The following OSBPL6 variants were observed in gnomAD, a reference collection of about 807,000 sequenced individuals.
The protein encoded by OSBPL6 is oxysterol-binding protein-related protein 6.
In OSBPL6, 49 loss-of-function variants were observed where a neutral mutation model predicts 125.8. The ratio of observed to expected loss-of-function variants is 0.39; its 90% CI spans 0.31 to 0.49. OSBPL6 has a LOEUF of 0.49. OSBPL6 is among the 20% of genes least tolerant of loss of function. The pLI is 0.88. For missense variants in OSBPL6, 986 were observed against 1,135.4 expected, an observed-to-expected ratio of 0.87 and a Z score of 1.89; for synonymous variants, 394 against 391.8, an observed-to-expected ratio of 1.01 and a Z score of -0.07.
At chr2:178,265,993 C>A (rs1207917610) in intron 1 of OSBPL6, among the ~76,000 whole-genome samples, 1 of 152,144 alleles carries the variant, frequency 6.6e-6, no homozygotes, top group Non-Finnish European at 1.5e-5. Context: ...TCCGGCCCAG[C>A]CTGCAGGATC....
chr2:178,229,162 T>C (rs966227066), intron 1 of OSBPL6, among the ~76,000 whole-genome samples: 1 of 152,040 alleles, frequency 6.6e-6, no homozygotes, highest in Non-Finnish European at 1.5e-5. Flanking sequence ...ACTAACCCAG[T>C]CTCTTGAGAA....
rs190608042 is a variant in OSBPL6 at position 178,221,665 on chromosome 2, C to T, written c.-351+26991C>T. Among the ~76,000 whole-genome samples, 6 of 152,314 alleles carry T rather than the reference C, an allele frequency of 3.9e-5. No homozygotes were observed. In the East Asian group the frequency reaches 9.6e-4, roughly 24 times the overall value. On this transcript the variant is annotated intron_variant, in intron 1 of 24. Coordinates refer to ENST00000190611, the MANE Select transcript of OSBPL6 (RefSeq NM_032523.4). ...ATCAGCCAAGTACAGTCTATTCTTA[C>T]AGAGATGAGGATTGACTTTGCAAAG... is the stretch of plus-strand genomic sequence containing the variant.
chr2:178,339,943 A>G (rs907929866), intron 11 of OSBPL6, among the ~76,000 whole-genome samples, 179 bp downstream of exon 11: 10 of 152,292 alleles, frequency 6.6e-5, no homozygotes, highest in Middle Eastern at 3.4e-3. Flanking sequence ...TTACTCTGGC[A>G]TAAGTGAGAA....
chr2:178,228,269 C>T (rs879536807), intron 1 of OSBPL6, among the ~76,000 whole-genome samples: 5 of 152,200 alleles, frequency 3.3e-5, no homozygotes, highest in Non-Finnish European at 5.9e-5. Context: ...GGCGCGGTGG[C>T]TCATGCCTGT....
At chr2:178,261,679 A>G (rs1559174504) in intron 1 of OSBPL6, among the ~76,000 whole-genome samples, 1 of 152,268 alleles carries the variant, frequency 6.6e-6, no homozygotes, top group Non-Finnish European at 1.5e-5. Flanking sequence ...CTTCTGCAGT[A>G]CAGAAATGGC....
At chr2:178,271,089 C>G (rs937899849) in intron 1 of OSBPL6, among the ~76,000 whole-genome samples, 1 of 152,178 alleles carries the variant, frequency 6.6e-6, no homozygotes, top group Non-Finnish European at 1.5e-5. Flanking sequence ...AAATCATAGT[C>G]TACCTTGTTT....
chr2:178,286,742 A>G (rs1425294477), intron 2 of OSBPL6, among the ~76,000 whole-genome samples: 1 of 152,112 alleles, frequency 6.6e-6, no homozygotes, highest in African/African-American at 2.4e-5. Context: ...TTCTTTTTGA[A>G]TGACCCCCGT....
At chr2:178,194,489 G>T (rs962278296), upstream of OSBPL6, 2 of 151,990 alleles carry the variant, frequency 1.3e-5, no homozygotes, top group East Asian at 3.9e-4. Context: ...CACTGGAGGC[G>T]CAGCACGGTC....
chr2:178,378,240 G>C (rs1694072931), intron 15 of OSBPL6, among the ~76,000 whole-genome samples: 1 of 151,966 alleles, frequency 6.6e-6, no homozygotes, highest in South Asian at 2.1e-4. Flanking sequence ...TGCCCCACTA[G>C]AACATAAATT....
intron 1 of OSBPL6, among the ~76,000 whole-genome samples, chr2:178,213,475 C>A (rs911903278): frequency 5.9e-5 from 9 of 151,964 alleles, no homozygotes; most frequent in African/African-American, 2.2e-4. Context: ...TTGATTCTAC[C>A]GCTAACCATG....
At position 178,382,420 on chromosome 2, in the gene OSBPL6, G is replaced by A. The variant is rs773458335; in HGVS notation, c.1534G>A (p.Ala512Thr). Residue 512 changes from alanine (A) to threonine (T), a missense_variant and splice_region_variant, in exon 16 of 25, where the codon GCT becomes ACT. By Grantham distance (58) the Ala-to-Thr change is moderately conservative. Coordinates refer to ENST00000190611, the MANE Select transcript of OSBPL6 (RefSeq NM_032523.4). ...CCTTGTATGTTCTTCCCTTCCTTAG[G>A]CTTCAGATGATGAGTCTTACATCAG... ...LLSASSSENE[A>T]SDDESYISDV... 6.3e-7 allele frequency: 1 copy of A among 1,598,300 alleles called. No individual in the cohort carries two copies. The highest frequency in any genetic ancestry group is 8.5e-7 in the Non-Finnish European group (1 of 1,170,938).
At chr2:178,223,810 C>T (rs1192430005) in intron 1 of OSBPL6, among the ~76,000 whole-genome samples, 2 of 152,136 alleles carry the variant, frequency 1.3e-5, no homozygotes, top group South Asian at 2.1e-4. Flanking sequence ...GGGAGTCTGA[C>T]AATTTTATGA....
chr2:178,260,340 TC>T (rs1440370144), intron 1 of OSBPL6, among the ~76,000 whole-genome samples: 2 of 151,218 alleles, frequency 1.3e-5, no homozygotes, highest in African/African-American at 4.9e-5. Flanking sequence ...GGAGAGCCCT[TC>T]CAATTGACTT....
intron 1 of OSBPL6, among the ~76,000 whole-genome samples, chr2:178,260,311 A>T (rs1242546466): frequency 1.3e-5 from 2 of 152,132 alleles, no homozygotes; most frequent in African/African-American, 4.8e-5. Flanking sequence ...GGATTATCTA[A>T]TTATCCCATT....
intron 2 of OSBPL6, among the ~76,000 whole-genome samples, chr2:178,289,311 C>T (rs1299154287): frequency 1.3e-5 from 2 of 152,176 alleles, no homozygotes; most frequent in East Asian, 3.8e-4. Context: ...CTACTGTGCC[C>T]AGCCAGTTTT....
chr2:178,357,232 A>T (rs1691879126), intron 12 of OSBPL6, among the ~76,000 whole-genome samples: 1 of 152,248 alleles, frequency 6.6e-6, no homozygotes, highest in African/African-American at 2.4e-5. Context: ...GCCAAAATAG[A>T]CAAATGGGAT....
At chr2:178,295,062 G>A (rs1341994592) in intron 2 of OSBPL6, among the ~76,000 whole-genome samples, 1 of 151,870 alleles carries the variant, frequency 6.6e-6, no homozygotes, top group Non-Finnish European at 1.5e-5. Flanking sequence ...ATAAAACTTT[G>A]ATGAAAACAA....
At chr2:178,316,410 A>G (rs942876466) in intron 3 of OSBPL6, among the ~76,000 whole-genome samples, 3 of 152,252 alleles carry the variant, frequency 2.0e-5, no homozygotes, top group African/African-American at 7.2e-5. Context: ...GAAACAGTCT[A>G]ATGTTCAACA....
chr2:178,315,870 G>T (rs1687688774), intron 3 of OSBPL6, among the ~76,000 whole-genome samples: 1 of 152,126 alleles, frequency 6.6e-6, no homozygotes, highest in South Asian at 2.1e-4. Context: ...TTTTGGAAAT[G>T]ATCACTTTAC....
Sources: allele counts gnomAD v4.1 joint callset (sites outside exome capture counted in the v4.1 genomes callset), GRCh38; gene constraint gnomAD v4.1.1; transcripts MANE v1.5; gene names NCBI Gene and HGNC (gene_info 2026-07-23, HGNC 2026-07-21).